SNX5: variants seen among roughly 807,000 people sequenced by gnomAD.
The protein encoded by SNX5 is sorting nexin-5.
A neutral mutation model predicts 53.9 loss-of-function variants in SNX5; 31 were observed. That is an observed-to-expected ratio of 0.58 (90% CI 0.43 to 0.78). The LOEUF is 0.78. Ranked by LOEUF, SNX5 falls within the 30% of genes least tolerant of loss-of-function variation. SNX5 has a pLI of 0.00. For missense variants in SNX5, 471 were observed against 478.8 expected, an observed-to-expected ratio of 0.98 and a Z score of 0.15; for synonymous variants, 168 against 171.1, an observed-to-expected ratio of 0.98 and a Z score of 0.14.
intron 1 of SNX5, chr20:17,961,613 G>C: frequency 1.0e-6 from 1 of 983,712 alleles, no homozygotes; most frequent in Non-Finnish European, 1.2e-6. Flanking sequence ...CTACAGATAG[G>C]ATAAAAAAGA....
chr20:17,961,193 C>G, intron 1 of SNX5: 1 of 985,420 alleles, frequency 1.0e-6, no homozygotes. Flanking sequence ...CAGGACAACC[C>G]TGCAGCTGTT....
intron 1 of SNX5, among the ~76,000 whole-genome samples, chr20:17,964,480 C>A (rs6136238): frequency 0.26 from 39,907 of 152,062 alleles, 5,721 homozygotes; most frequent in East Asian, 0.44. Context: ...TATGGTTTGC[C>A]TTTAGGCAGC....
chr20:17,942,895 T>TAAA (rs11334169), intron 12 of SNX5: 78 of 340,630 alleles, frequency 2.3e-4, no homozygotes, highest in Middle Eastern at 8.2e-4. Context: ...CCATCTCTAT[T>TAAA]AAAAAAAAAA....
intron 11 of SNX5, among the ~76,000 whole-genome samples, chr20:17,946,214 G>A (rs1402313122): frequency 6.6e-6 from 1 of 152,210 alleles, no homozygotes; most frequent in East Asian, 1.9e-4. Context: ...ACCTGCATGT[G>A]TGTGCAACGG....
At chr20:17,962,954 C>CA (rs769022229) in intron 1 of SNX5, 12 of 513,748 alleles carry the variant, frequency 2.3e-5, no homozygotes, top group African/African-American at 2.3e-4. Flanking sequence ...CACAAGGCTG[C>CA]AAGCCCATGT....
chr20:17,966,796 C>CAAGACTTAGTTT (rs2035545228), intron 1 of SNX5, among the ~76,000 whole-genome samples: 1 of 152,106 alleles, frequency 6.6e-6, no homozygotes, highest in Non-Finnish European at 1.5e-5. Context: ...AAAAGTTGCC[C>CAAGACTTAGTTT]AAGACTTAGT....
chr20:17,942,473 C>T, intron 12 of SNX5, 66 bp from the exon 13 acceptor site: 1 of 1,171,172 alleles, frequency 8.5e-7, no homozygotes, highest in Non-Finnish European at 1.3e-6. Context: ...TGGAATGACT[C>T]AAGTACACCA....
intron 1 of SNX5, among the ~76,000 whole-genome samples, chr20:17,960,789 C>A (rs1277073710): frequency 3.5e-5 from 5 of 142,990 alleles, no homozygotes; most frequent in Non-Finnish European, 4.7e-5. Flanking sequence ...AAAAAAAAAA[C>A]TACACATAAA....
intron 11 of SNX5, among the ~76,000 whole-genome samples, chr20:17,945,813 G>A (rs79095703): frequency 0.096 from 14,638 of 152,134 alleles, 755 homozygotes; most frequent in Non-Finnish European, 0.12. Flanking sequence ...ATAAAGTCTA[G>A]GTTTCCCCCA....
In SNX5 at chr20:17,950,199, C is replaced by T. The variant is rs746639789; in HGVS notation, c.724G>A (p.Asp242Asn). 49 of 1,614,020 alleles carry T rather than the reference C, an allele frequency of 3.0e-5. No individual in the cohort carries two copies. The highest frequency in any genetic ancestry group is 1.6e-4 in the Middle Eastern group (1 of 6,084). The change falls in exon 8 of 13, where the codon GAT becomes AAT. Residue 242 changes from aspartate (D) to asparagine (N), a missense_variant. Transcript: ENST00000377759. Reference sequence around the variant, plus strand: ...CAGGCTGCGGTGTGGATATAGTCATCGGCAACATCTGCAGAAACAAGGACA... The same window carrying T: ...CAGGCTGCGGTGTGGATATAGTCATTGGCAACATCTGCAGAAACAAGGACA... ...KMTRSHKNVA[D>N]DYIHTAACLH...
chr20:17,950,425 T>C (rs2122364807), intron 6 of SNX5, 29 bp from the exon 7 acceptor site: 2 of 1,256,282 alleles, frequency 1.6e-6, no homozygotes, highest in Middle Eastern at 1.9e-4. Context: ...GAACCAGACA[T>C]TTCATGAAAT....
In SNX5 at chr20:17,948,811, G is replaced by C. The variant is rs149366419; in HGVS notation, c.918+79C>G. On this transcript the variant is annotated intron_variant, in intron 10 of 12. Coordinates refer to ENST00000377759, the MANE Select transcript of SNX5 (RefSeq NM_014426.4). ...AACAAGTCTGATAAATTCTTATTCT[G>C]CTCCTTTGTATAAAGAAACTTTTTA... is the stretch of plus-strand genomic sequence containing the variant. The C allele has an allele frequency of 1.7e-4, 186 of 1,094,000 alleles. 1 individual carries two copies. The East Asian group carries it at 4.2e-3, about 25-fold the overall frequency. 67.8% of individuals were successfully genotyped at this position (1,094,000 alleles called of 1,614,324 possible).
At position 17,967,930 on chromosome 20, in the gene SNX5, G is replaced by C. The variant is rs375783557; in HGVS notation, c.51+445C>G. ...TGATGCAATTTCCCAAGTTGTTTGG[G>C]CCCCCCCCCCAAAAAAGTCTTCTCA... On this transcript the variant is annotated intron_variant, in intron 1 of 12. Coordinates refer to ENST00000377759, the MANE Select transcript of SNX5 (RefSeq NM_014426.4). The C allele has an allele frequency of 2.8e-3, 994 of 355,804 alleles. 6 individuals are homozygous for C. The highest frequency in any genetic ancestry group is 0.018 in the African/African-American group (822 of 46,718). The allele number at this position is 355,804 out of a possible 1,614,324, so 22.0% of individuals were successfully genotyped here.
chr20:17,947,028 G>A (rs1477369110), intron 11 of SNX5: 2 of 152,856 alleles, frequency 1.3e-5, no homozygotes, highest in Non-Finnish European at 2.9e-5. Context: ...GACTGATACT[G>A]TTAAAAACTA....
intron 1 of SNX5, chr20:17,961,761 T>C (rs1012635367): frequency 5.1e-6 from 5 of 985,300 alleles, no homozygotes; most frequent in Non-Finnish European, 6.0e-6. Flanking sequence ...TATGTTTCAT[T>C]CCACTGCCTA....
intron 1 of SNX5, chr20:17,961,512 A>T (rs1600352340): frequency 1.0e-6 from 1 of 985,294 alleles, no homozygotes; most frequent in East Asian, 1.1e-4. Context: ...CAGTCATTTA[A>T]ATCTAATAGT....
intron 1 of SNX5, among the ~76,000 whole-genome samples, chr20:17,958,389 A>T (rs3790299): frequency 0.25 from 38,504 of 152,178 alleles, 5,547 homozygotes; most frequent in East Asian, 0.44. Flanking sequence ...AGCTATAAAA[A>T]GACTAAATAT....
intron 1 of SNX5, among the ~76,000 whole-genome samples, chr20:17,966,994 ACT>A (rs1433063090): frequency 2.0e-5 from 3 of 152,162 alleles, no homozygotes; most frequent in East Asian, 3.8e-4. Context: ...ATGTCATGTA[ACT>A]CTCTTCGCTA....
rs559696062 is a variant in SNX5, at chr20:17,951,049, T to C, written c.609+451A>G. The stretch of plus-strand genomic sequence containing the variant: ...TAACGGTAACGGAAACGTTATTTTG[T>C]ATTCTTGTCTTTGTGCTAACGCCTT... On this transcript the variant is annotated intron_variant, in intron 6 of 12. Coordinates refer to ENST00000377759, the MANE Select transcript of SNX5 (RefSeq NM_014426.4). 5 of 159,288 alleles carry C rather than the reference T, an allele frequency of 3.1e-5. No homozygotes were observed. The South Asian group carries it at 9.1e-4, about 29-fold the overall frequency. 9.9% of individuals were successfully genotyped at this position (159,288 alleles called of 1,614,324 possible).
Sources: allele counts gnomAD v4.1 joint callset (sites outside exome capture counted in the v4.1 genomes callset), GRCh38; gene constraint gnomAD v4.1.1; transcripts MANE v1.5; gene names NCBI Gene and HGNC (gene_info 2026-07-23, HGNC 2026-07-21).